Variants in ZNF334 observed in about 807,000 individuals in gnomAD.
ZNF334 encodes the protein zinc finger protein 334.
In ZNF334, 14 loss-of-function variants were observed where a neutral mutation model predicts 12.4. That is an observed-to-expected ratio of 1.13 (90% CI 0.74 to 1.76). The LOEUF (loss-of-function observed/expected upper bound fraction) is 1.76. Ranked by LOEUF, ZNF334 falls within the 40% of genes most tolerant of loss-of-function variation. ZNF334 has a pLI of 0.00. For missense variants in ZNF334, 797 were observed against 804.5 expected (o/e 0.99, Z 0.11); for synonymous variants, 273 against 269.6 (o/e 1.01, Z -0.12).
Position 46,512,990 on chromosome 20 carries a change from T to G in ZNF334, c.-489A>C, listed in dbSNP as rs1198107780. The G allele has an allele frequency of 6.6e-6, 1 of 151,994 alleles. No individual in the cohort carries two copies. Among genetic ancestry groups the G allele is most frequent in the East Asian group, 1.9e-4 (1 of 5,180 alleles). The allele number at this position is 151,994 out of a possible 1,614,324, so 9.4% of individuals were successfully genotyped here. A position where few individuals can be genotyped will look rare whatever the true frequency, so the allele number is the denominator to read the frequency against. ...ATGTGTTTAGGAAGTGATGAAGACATCATTTCCTTATTTATAACCAGTACT... is the reference window on the plus strand; with the variant it reads ...ATGTGTTTAGGAAGTGATGAAGACAGCATTTCCTTATTTATAACCAGTACT... On this transcript the variant is annotated 5_prime_UTR_variant, in exon 1 of 5. An upstream start codon of the reference 5' UTR is lost. Transcript: ENST00000692313.
chr20:46,465,585 C>T, the ZNF334 span, among the ~76,000 whole-genome samples: 1 of 152,078 alleles, frequency 6.6e-6, no homozygotes. Flanking sequence ...ATTAGCTGGG[C>T]ATGGTGGTGC....
At chr20:46,468,540 C>G in the ZNF334 span, among the ~76,000 whole-genome samples, 2 of 152,138 alleles carry the variant, frequency 1.3e-5, no homozygotes, top group Non-Finnish European at 2.9e-5. Flanking sequence ...CCGCCTCAGC[C>G]TCCGTAAGTG....
downstream of ZNF334, among the ~76,000 whole-genome samples, chr20:46,499,152 C>T (rs58036520): frequency 0.021 from 2,388 of 113,132 alleles, 76 homozygotes; most frequent in African/African-American, 0.076. Context: ...CCAGCCTGGG[C>T]GACAGAGCGA....
At chr20:46,466,875 G>C in the ZNF334 span, among the ~76,000 whole-genome samples, 3 of 152,042 alleles carry the variant, frequency 2.0e-5, no homozygotes, top group Non-Finnish European at 4.4e-5. Flanking sequence ...TATCAGTTTG[G>C]GAAAATGTTA....
chr20:46,493,128 T>C, the ZNF334 span, among the ~76,000 whole-genome samples: 1 of 152,092 alleles, frequency 6.6e-6, no homozygotes, highest in African/African-American at 2.4e-5. Flanking sequence ...TTCAACTAAA[T>C]TTGAAATTGG....
chr20:46,512,260 G>T, intron 1 of ZNF334, 120 bp from the exon 2 acceptor site: 1 of 654,048 alleles, frequency 1.5e-6, no homozygotes. Context: ...GTCTGGTTCA[G>T]GAAGCAACAT....
chr20:46,488,355 T>G, the ZNF334 span, among the ~76,000 whole-genome samples: 1 of 147,954 alleles, frequency 6.8e-6, no homozygotes, highest in African/African-American at 2.5e-5. Flanking sequence ...CTTATCACAA[T>G]CTACCTGCAA....
chr20:46,485,441 T>TTTG, the ZNF334 span: 1 of 150,686 alleles, frequency 6.6e-6, no homozygotes, highest in East Asian at 1.9e-4. Context: ...TTTTTTTTGT[T>TTTG]TTTTTTTTTA....
chr20:46,501,490 C>G lies in ZNF334; in HGVS notation c.1849G>C (p.Val617Leu), dbSNP rs867517490. The G allele has an allele frequency of 6.2e-7, 1 of 1,613,856 alleles. No individual in the cohort carries two copies. Among genetic ancestry groups the G allele is most frequent in the Middle Eastern group, 1.7e-4 (1 of 6,036 alleles). Residue 617 changes from valine (V) to leucine (L), a missense_variant, in exon 5 of 5, where the codon GTC becomes CTC. Coordinates refer to ENST00000692313, the MANE Select transcript of ZNF334 (RefSeq NM_001353824.2). ...KSFCHKSAFR[V>L]HRRIHTGEKP... Reference sequence around the variant, plus strand: ...TCTCCTGTGTGAATTCTTCTATGGACTCTGAAGGCTGACTTATGGCAGAAG... The same window carrying G: ...TCTCCTGTGTGAATTCTTCTATGGAGTCTGAAGGCTGACTTATGGCAGAAG...
In ZNF334 at chr20:46,513,258, C is replaced by A. The variant is rs948211313; in HGVS notation, c.-757G>T. On this transcript the variant is annotated 5_prime_UTR_variant, in exon 1 of 5. Coordinates refer to ENST00000692313, the MANE Select transcript of ZNF334 (RefSeq NM_001353824.2). The stretch of plus-strand genomic sequence containing the variant: ...AGCGCCTTCTTCGGGCAAATCAGGG[C>A]CCTAGAGAGAGCTCGCCCGTGGCCT... 2.0e-5 allele frequency: 3 copies of A among 152,300 alleles called. No homozygotes were observed. Among genetic ancestry groups the A allele is most frequent in the African/African-American group, 7.2e-5 (3 of 41,450 alleles). The allele number at this position is 152,300 out of a possible 1,614,324, so 9.4% of individuals were successfully genotyped here.
chr20:46,477,637 G>A, the ZNF334 span, among the ~76,000 whole-genome samples: 6 of 152,240 alleles, frequency 3.9e-5, no homozygotes, highest in Admixed American at 2.0e-4. Flanking sequence ...ATGGCTGGCC[G>A]AGAGCCTGGT....
chr20:46,513,265 G>C lies in ZNF334; in HGVS notation c.-764C>G, dbSNP rs1208693024. 6.6e-6 allele frequency: 1 copy of C among 152,302 alleles called. No homozygotes were observed. The highest frequency in any genetic ancestry group is 6.5e-5 in the Admixed American group (1 of 15,282). 9.4% of individuals were successfully genotyped at this position (152,302 alleles called of 1,614,324 possible). ...TCTTCGGGCAAATCAGGGCCCTAGA[G>C]AGAGCTCGCCCGTGGCCTGCAGGTC... On this transcript the variant is annotated 5_prime_UTR_variant, in exon 1 of 5. Coordinates refer to ENST00000692313, the MANE Select transcript of ZNF334 (RefSeq NM_001353824.2).
chr20:46,508,956 TG>T (rs2061541262), intron 2 of ZNF334, among the ~76,000 whole-genome samples: 1 of 152,224 alleles, frequency 6.6e-6, no homozygotes, highest in African/African-American at 2.4e-5. Flanking sequence ...TGATTTGAAC[TG>T]GAACTTCAGG....
chr20:46,492,702 A>T, the ZNF334 span: 8 of 152,386 alleles, frequency 5.2e-5, no homozygotes, highest in African/African-American at 1.7e-4. Context: ...ACTCGAGATC[A>T]ATGTAGAAAG....
In ZNF334 at chr20:46,502,904, A is replaced by C; in HGVS notation, c.435T>G (p.Thr145=). ...TCTTTGCAACAATTACTTCTGAATT[A>C]GTTTTCAAACTGTTTCCTCCTGGAT... is the stretch of plus-strand genomic sequence containing the variant. The part of the protein sequence containing the change: ...KCNPGGNSLK[T]NSEVIVAKKS... The change falls in exon 5 of 5, where the codon ACT becomes ACG. Residue 145 remains threonine (T), a synonymous_variant. Transcript: ENST00000692313. 9.3e-6 allele frequency: 15 copies of C among 1,613,814 alleles called. No homozygotes were observed. The highest frequency in any genetic ancestry group is 1.2e-5 in the Non-Finnish European group (14 of 1,179,882).
At chr20:46,507,994 G>A (rs1601058635) in intron 2 of ZNF334, among the ~76,000 whole-genome samples, 1 of 152,228 alleles carries the variant, frequency 6.6e-6, no homozygotes, top group African/African-American at 2.4e-5. Context: ...GAGTGCCAGG[G>A]AAGAGCCCTC....
rs2145930827 is a variant in ZNF334, at chr20:46,501,194, A to G, written c.*102T>C. The G allele has an allele frequency of 6.9e-7, 1 of 1,458,054 alleles. No individual in the cohort carries two copies. The highest frequency in any genetic ancestry group is 1.5e-5 in the South Asian group (1 of 66,384). 90.3% of individuals were successfully genotyped at this position (1,458,054 alleles called of 1,614,324 possible). ...TATGGCAGAAAAATTTTCCATATTCATTACATTTATAAGATTTTACTCCTC... is the reference window on the plus strand; with the variant it reads ...TATGGCAGAAAAATTTTCCATATTCGTTACATTTATAAGATTTTACTCCTC... On this transcript the variant is annotated 3_prime_UTR_variant, in exon 5 of 5. Transcript: ENST00000692313.
At chr20:46,497,507 G>C (rs2061043486), downstream of ZNF334, among the ~76,000 whole-genome samples, 1 of 152,156 alleles carries the variant, frequency 6.6e-6, no homozygotes, top group South Asian at 2.1e-4. Context: ...AGAGAAGAGG[G>C]AAGAAGAGAT....
the ZNF334 span, among the ~76,000 whole-genome samples, chr20:46,463,387 G>A: frequency 6.6e-6 from 1 of 152,196 alleles, no homozygotes; most frequent in Non-Finnish European, 1.5e-5. Context: ...GGACAGGGTG[G>A]GAATTACAGG....
Sources: allele counts gnomAD v4.1 joint callset (sites outside exome capture counted in the v4.1 genomes callset), GRCh38; gene constraint gnomAD v4.1.1; transcripts MANE v1.5; gene names NCBI Gene and HGNC (gene_info 2026-07-23, HGNC 2026-07-21).